The following FHIP1A variants were observed in gnomAD, a reference collection of about 807,000 sequenced individuals.
The protein encoded by FHIP1A is FHF complex subunit HOOK-interacting protein 1A.
A neutral mutation model predicts 88.6 loss-of-function variants in FHIP1A; 61 were observed. The observed-to-expected ratio is 0.69, with a 90% confidence interval of 0.56 to 0.85. The LOEUF (loss-of-function observed/expected upper bound fraction) is 0.85. Among genes scored for constraint, FHIP1A ranks in the 40% least tolerant of loss-of-function variants. FHIP1A has a pLI of 0.00. For synonymous variants in FHIP1A, 478 were observed against 496.0 expected, an observed-to-expected ratio of 0.96 and a Z score of 0.48; for missense variants, 1,154 against 1,273.5, an observed-to-expected ratio of 0.91 and a Z score of 1.43.
intron 10 of FHIP1A, among the ~76,000 whole-genome samples, chr4:151,648,985 G>A (rs1736895250): frequency 6.6e-6 from 1 of 152,000 alleles, no homozygotes. Flanking sequence ...AAGACAGAAT[G>A]AGTTAATAGG....
At position 151,556,255 on chromosome 4, in the gene FHIP1A, A is replaced by G. The variant is rs1159241160; in HGVS notation, c.-122-9883A>G. Among the ~76,000 whole-genome samples, 3 of 152,184 alleles carry G rather than the reference A, an allele frequency of 2.0e-5. No homozygotes were observed. In the East Asian group the frequency reaches 5.8e-4, roughly 29 times the overall value. On this transcript the variant is annotated intron_variant, in intron 3 of 13. Coordinates refer to ENST00000435205, the MANE Select transcript of FHIP1A (RefSeq NM_001109977.3). Reference sequence around the variant, plus strand: ...TTCCTTACCAGTTCATTATATAGTTATTGATATTAGTATGATCAGGTCTAC... The same window carrying G: ...TTCCTTACCAGTTCATTATATAGTTGTTGATATTAGTATGATCAGGTCTAC...
intron 11 of FHIP1A, among the ~76,000 whole-genome samples, chr4:151,655,363 A>AT (rs1737191664): frequency 6.6e-6 from 1 of 152,234 alleles, no homozygotes; most frequent in Admixed American, 6.5e-5. Flanking sequence ...AACTCAAAGC[A>AT]TATTAATTTT....
rs187330295 is a variant in FHIP1A at position 151,555,586 on chromosome 4, G to T, written c.-122-10552G>T. On this transcript the variant is annotated intron_variant, in intron 3 of 13. Coordinates refer to ENST00000435205, the MANE Select transcript of FHIP1A (RefSeq NM_001109977.3). ...TCACTTTTATTTTCTTCCTTGAAGG[G>T]GAGGAAAAACTCTCAACTGTGTACA... 3.2e-3 allele frequency among the ~76,000 whole-genome samples: 492 copies of T among 152,090 alleles called. 2 individuals are homozygous for T. The highest frequency in any genetic ancestry group is 0.017 in the Middle Eastern group (5 of 294).
intron 3 of FHIP1A, among the ~76,000 whole-genome samples, chr4:151,562,623 T>C (rs1383448602): frequency 1.3e-5 from 2 of 152,198 alleles, no homozygotes; most frequent in Admixed American, 1.3e-4. Flanking sequence ...TTAGAGAGTA[T>C]TTATTTAAAC....
chr4:151,474,418 A>T (rs908109473), intron 2 of FHIP1A, among the ~76,000 whole-genome samples: 2 of 152,232 alleles, frequency 1.3e-5, no homozygotes, highest in Non-Finnish European at 2.9e-5. Context: ...TATAAAAAAA[A>T]TAAAGATACT....
intron 2 of FHIP1A, among the ~76,000 whole-genome samples, chr4:151,462,742 G>A (rs182848722): frequency 1.3e-5 from 2 of 152,254 alleles, no homozygotes; most frequent in Admixed American, 6.5e-5. Flanking sequence ...CTGTTTATAG[G>A]GGAGATTTAA....
At chr4:151,534,565 T>C (rs1326709664) in intron 3 of FHIP1A, 2 of 152,218 alleles carry the variant, frequency 1.3e-5, no homozygotes. Context: ...TGATTTTTTG[T>C]TTATCTTAGT....
intron 1 of FHIP1A, among the ~76,000 whole-genome samples, chr4:151,427,839 A>G (rs1055875006): frequency 6.6e-6 from 1 of 152,144 alleles, no homozygotes; most frequent in Non-Finnish European, 1.5e-5. Context: ...GAGTAAAATC[A>G]TTGGCGAAGG....
At chr4:151,647,140 A>G (rs991116354) in intron 10 of FHIP1A, among the ~76,000 whole-genome samples, 1 of 152,180 alleles carries the variant, frequency 6.6e-6, no homozygotes, top group African/African-American at 2.4e-5. Flanking sequence ...TGTCATAAGG[A>G]TTTACATATT....
At chr4:151,643,759 C>T (rs554945656) in intron 9 of FHIP1A, among the ~76,000 whole-genome samples, 10 of 152,276 alleles carry the variant, frequency 6.6e-5, no homozygotes, top group Non-Finnish European at 1.0e-4. Flanking sequence ...AGAATACTGG[C>T]GGGCTATTCA....
At chr4:151,585,545 A>C (rs1486127838) in intron 5 of FHIP1A, among the ~76,000 whole-genome samples, 1 of 152,158 alleles carries the variant, frequency 6.6e-6, no homozygotes, top group Non-Finnish European at 1.5e-5. Context: ...CTAGCAAGTC[A>C]GGATCTCCAA....
intron 7 of FHIP1A, among the ~76,000 whole-genome samples, chr4:151,625,798 T>C (rs1157893573): frequency 6.6e-6 from 1 of 152,196 alleles, no homozygotes; most frequent in Non-Finnish European, 1.5e-5. Flanking sequence ...AACACACTTT[T>C]GGAGCTCTTA....
Position 151,656,850 on chromosome 4 carries a change from C to T in FHIP1A, c.2821C>T (p.Leu941Phe). Residue 941 changes from leucine (L) to phenylalanine (F), a missense_variant, in exon 13 of 14, where the codon CTC becomes TTC. Transcript: ENST00000435205. The surrounding 1 kb of genome is among the most constrained non-coding windows in gnomAD (Gnocchi z 4.2). The part of the protein sequence containing the change: ...GLLIQAQQYL[L>F]FRVDMSDMTP... Reference sequence around the variant, plus strand: ...CCTCATTCAAGCTCAGCAGTACCTGCTCTTCCGTGTGGACATGTCTGATAT... The same window carrying T: ...CCTCATTCAAGCTCAGCAGTACCTGTTCTTCCGTGTGGACATGTCTGATAT... 1.9e-6 allele frequency: 3 copies of T among 1,551,608 alleles called. No individual in the cohort carries two copies. The highest frequency in any genetic ancestry group is 2.6e-6 in the Non-Finnish European group (3 of 1,146,900).
intron 7 of FHIP1A, among the ~76,000 whole-genome samples, chr4:151,605,476 A>G (rs1016856795): frequency 1.3e-5 from 2 of 152,216 alleles, no homozygotes; most frequent in African/African-American, 2.4e-5. Flanking sequence ...TTATGCAAAG[A>G]GCAGCCAGCT....
chr4:151,551,168 G>A (rs947675107), intron 3 of FHIP1A, among the ~76,000 whole-genome samples: 7 of 152,162 alleles, frequency 4.6e-5, no homozygotes, highest in African/African-American at 1.7e-4. Context: ...ATTAAAGCTT[G>A]AAATTTAGTA....
At chr4:151,527,196 G>C (rs955893894) in intron 3 of FHIP1A, among the ~76,000 whole-genome samples, 3 of 152,168 alleles carry the variant, frequency 2.0e-5, no homozygotes, top group South Asian at 2.1e-4. Context: ...AGGTTGTAGC[G>C]AGCCGAGATC....
chr4:151,550,355 T>C (rs1732678730), intron 3 of FHIP1A, among the ~76,000 whole-genome samples: 1 of 152,122 alleles, frequency 6.6e-6, no homozygotes. Flanking sequence ...TTGTACCCAT[T>C]AGCCATCCGC....
At chr4:151,648,994 G>C (rs931723502) in intron 10 of FHIP1A, among the ~76,000 whole-genome samples, 19 of 152,018 alleles carry the variant, frequency 1.2e-4, no homozygotes, top group Non-Finnish European at 2.6e-4. Flanking sequence ...TGAGTTAATA[G>C]GCTTTTCTAA....
At chr4:151,472,838 A>G (rs1729572722) in intron 2 of FHIP1A, among the ~76,000 whole-genome samples, 1 of 152,170 alleles carries the variant, frequency 6.6e-6, no homozygotes, top group South Asian at 2.1e-4. Context: ...TGGTATAAAA[A>G]AGCTATTTTT....
Sources: allele counts gnomAD v4.1 joint callset (sites outside exome capture counted in the v4.1 genomes callset), GRCh38; gene constraint gnomAD v4.1.1; non-coding constraint Gnocchi (gnomAD v3.1); transcripts MANE v1.5; gene names NCBI Gene and HGNC (gene_info 2026-07-23, HGNC 2026-07-21).